CADM2: variants seen among roughly 807,000 people sequenced by gnomAD.
CADM2 encodes the protein immunoglobulin superfamily member 4D.
CADM2 carries 12 observed loss-of-function variants against 49.8 expected under a neutral mutation model. The observed-to-expected ratio is 0.24, with a 90% CI of 0.15 to 0.39. The LOEUF is 0.39. Ranked by LOEUF, CADM2 falls within the 10% of genes least tolerant of loss-of-function variation. CADM2 has a pLI of 1.00. For synonymous variants in CADM2, 214 were observed against 175.4 expected (o/e 1.22, Z -1.74); for missense variants, 378 against 492.3 (o/e 0.77, Z 2.20).
chr3:85,099,669 C>T (rs1193556454), intron 1 of CADM2, among the ~76,000 whole-genome samples: 1 of 152,032 alleles, frequency 6.6e-6, no homozygotes. Flanking sequence ...GGGGTTTCAC[C>T]ATGTTGGCCA....
At chr3:85,705,320 C>T (rs2066910584) in intron 1 of CADM2, among the ~76,000 whole-genome samples, 1 of 151,322 alleles carries the variant, frequency 6.6e-6, no homozygotes, top group African/African-American at 2.4e-5. Context: ...GATTCATTAA[C>T]ATTTTCATTG....
At chr3:85,610,661 A>T (rs1220263073) in intron 1 of CADM2, among the ~76,000 whole-genome samples, 1 of 151,962 alleles carries the variant, frequency 6.6e-6, no homozygotes, top group East Asian at 1.9e-4. Context: ...AACTCAAATA[A>T]TCTCACTGTA....
intron 1 of CADM2, among the ~76,000 whole-genome samples, chr3:85,534,043 A>AT (rs1198072736): frequency 2.6e-5 from 4 of 152,004 alleles, no homozygotes; most frequent in African/African-American, 4.8e-5. Flanking sequence ...TGAAATCTCC[A>AT]TATTTACTCA....
At chr3:85,693,652 C>T (rs2066459130) in intron 1 of CADM2, among the ~76,000 whole-genome samples, 1 of 145,822 alleles carries the variant, frequency 6.9e-6, no homozygotes. Flanking sequence ...CTTTGGGATG[C>T]CGAGGCAGGT....
chr3:85,857,704 T>A (rs563332090), intron 3 of CADM2, among the ~76,000 whole-genome samples: 2 of 152,184 alleles, frequency 1.3e-5, no homozygotes, highest in African/African-American at 4.8e-5. Flanking sequence ...TTGGTTCTTA[T>A]AATAGCTGTT....
At chr3:85,605,006 A>G (rs561118390) in intron 1 of CADM2, among the ~76,000 whole-genome samples, 1 of 152,192 alleles carries the variant, frequency 6.6e-6, no homozygotes, top group East Asian at 1.9e-4. Flanking sequence ...CAAATACTAC[A>G]TCATCAGTTC....
intron 1 of CADM2, among the ~76,000 whole-genome samples, chr3:85,062,677 T>A (rs1160470145): frequency 1.3e-5 from 2 of 151,880 alleles, no homozygotes; most frequent in Non-Finnish European, 2.9e-5. Flanking sequence ...TTTTAAATTT[T>A]AAAAAAGTAT....
intron 1 of CADM2, among the ~76,000 whole-genome samples, chr3:85,162,106 TA>T (rs200438605): frequency 0.099 from 15,030 of 152,190 alleles, 906 homozygotes; most frequent in African/African-American, 0.17. Flanking sequence ...GGGTTCATTA[TA>T]TAAACCAGAA....
rs1297882282 is a variant in CADM2, at chr3:85,526,978, T to C, written c.62-199544T>C. On this transcript the variant is annotated intron_variant, in intron 1 of 9. Coordinates refer to ENST00000383699, the MANE Select transcript of CADM2 (RefSeq NM_001167675.2). The stretch of plus-strand genomic sequence containing the variant: ...ACGCTCTTTCTGCAGGGATTAAGCT[T>C]CTTTGTCGTAAAATAATTTAAATGT... Among the ~76,000 whole-genome samples, 3 of 152,166 alleles carry C rather than the reference T, an allele frequency of 2.0e-5. No homozygotes were observed. The South Asian group carries it at 6.2e-4, about 31-fold the overall frequency.
At chr3:85,801,993 GTTA>G in intron 2 of CADM2, 51 bp from the exon 3 acceptor site, 1 of 1,332,354 alleles carries the variant, frequency 7.5e-7, no homozygotes, top group South Asian at 1.8e-5. Context: ...ATCTTAGGCA[GTTA>G]ATCATTTTAT....
chr3:85,848,428 GAGA>G lies in CADM2; in HGVS notation c.239-34860_239-34858del, dbSNP rs1486981438. Among the ~76,000 whole-genome samples the G allele has an allele frequency of 5.3e-5, 8 of 152,158 alleles. No individual in the cohort carries two copies. In the East Asian group the frequency reaches 9.7e-4, roughly 18 times the overall value. ...TTAGTAGTATGCAATATAACATTTT[GAGA>G]AGGAGATAATTAAACCATAAAATAA... On this transcript the variant is annotated intron_variant, in intron 3 of 9. Coordinates refer to ENST00000383699, the MANE Select transcript of CADM2 (RefSeq NM_001167675.2).
At chr3:85,544,564 A>G (rs1284979524) in intron 1 of CADM2, among the ~76,000 whole-genome samples, 1 of 152,128 alleles carries the variant, frequency 6.6e-6, no homozygotes, top group Non-Finnish European at 1.5e-5. Context: ...GCGACAGATA[A>G]AGACTCCGTC....
chr3:85,353,985 A>G (rs998701888), intron 1 of CADM2, among the ~76,000 whole-genome samples: 5 of 152,024 alleles, frequency 3.3e-5, no homozygotes, highest in African/African-American at 7.2e-5. Flanking sequence ...TCTAATTTGA[A>G]TCAAAGTACA....
At chr3:85,886,037 T>C (rs1713607233) in intron 4 of CADM2, among the ~76,000 whole-genome samples, 153 bp from the exon 5 acceptor site, 1 of 152,080 alleles carries the variant, frequency 6.6e-6, no homozygotes, top group Non-Finnish European at 1.5e-5. Context: ...AACACACACA[T>C]ATGAAGCAGT....
chr3:85,243,351 T>C (rs2042575049), intron 1 of CADM2, among the ~76,000 whole-genome samples: 1 of 151,950 alleles, frequency 6.6e-6, no homozygotes, highest in Non-Finnish European at 1.5e-5. Context: ...TTTATTCTTA[T>C]AAAATTTCTA....
chr3:85,542,184 A>G (rs2061564665), intron 1 of CADM2, among the ~76,000 whole-genome samples: 1 of 152,088 alleles, frequency 6.6e-6, no homozygotes, highest in Non-Finnish European at 1.5e-5. Context: ...ACCTTGATCT[A>G]GAATGTGCAC....
chr3:85,629,336 A>G (rs748774535), intron 1 of CADM2, among the ~76,000 whole-genome samples: 7 of 151,950 alleles, frequency 4.6e-5, no homozygotes, highest in Non-Finnish European at 8.8e-5. Flanking sequence ...ATAAATAGAT[A>G]GTAAAGTCAT....
At chr3:85,468,527 A>T (rs1373418848) in intron 1 of CADM2, among the ~76,000 whole-genome samples, 1 of 152,302 alleles carries the variant, frequency 6.6e-6, no homozygotes, top group Middle Eastern at 3.4e-3. Flanking sequence ...TATAGTTCAC[A>T]TTTATTTCAA....
intron 1 of CADM2, among the ~76,000 whole-genome samples, chr3:85,075,453 T>C (rs1049016267): frequency 2.0e-5 from 3 of 152,262 alleles, no homozygotes; most frequent in Non-Finnish European, 1.5e-5. Context: ...TGTGGAAATT[T>C]CTTTACAAAT....
Sources: gnomAD v4.1 joint callset for allele counts (sites outside exome capture counted in the v4.1 genomes callset) on GRCh38, gnomAD v4.1.1 for gene constraint, MANE v1.5 for transcripts, NCBI Gene and HGNC (gene_info 2026-07-23, HGNC 2026-07-21) for gene names.